The following OR2L13 variants were observed in gnomAD, a reference collection of about 807,000 sequenced individuals.
OR2L13 encodes the protein olfactory receptor 2L13.
Under a neutral mutation model 15.3 loss-of-function variants are expected in OR2L13, and 14 were observed. The observed-to-expected ratio is 0.91, with a 90% confidence interval of 0.60 to 1.43. The LOEUF (loss-of-function observed/expected upper bound fraction) is 1.43. Ranked by LOEUF, OR2L13 falls within the 40% of genes most tolerant of loss-of-function variation. The pLI is 0.00. For synonymous variants in OR2L13, 152 were observed against 142.9 expected (o/e 1.06, Z -0.45); for missense variants, 367 against 387.9 (o/e 0.95, Z 0.45).
chr1:248,075,376 G>C, the OR2L13 span, among the ~76,000 whole-genome samples: 1,863 of 152,274 alleles, frequency 0.012, 46 homozygotes, highest in African/African-American at 0.043. Context: ...CCAGTAATGG[G>C]ATTGCTGGGT....
chr1:248,076,962 G>T, the OR2L13 span, among the ~76,000 whole-genome samples: 4 of 152,170 alleles, frequency 2.6e-5, no homozygotes, highest in East Asian at 7.7e-4. Flanking sequence ...CATTCAATAT[G>T]ATATTGGCTG....
chr1:248,042,287 T>A, the OR2L13 span: 1 of 140,018 alleles, frequency 7.1e-6, no homozygotes, highest in South Asian at 2.2e-4. Context: ...TTCTCACTCA[T>A]AGGTGGGAAT....
the OR2L13 span, chr1:248,063,114 T>C: frequency 6.6e-6 from 1 of 152,212 alleles, no homozygotes; most frequent in Admixed American, 6.5e-5. Flanking sequence ...TAAATAATGG[T>C]TTTTACTATT....
chr1:247,984,501 A>G, the OR2L13 span, among the ~76,000 whole-genome samples: 2 of 152,190 alleles, frequency 1.3e-5, no homozygotes, highest in Admixed American at 6.5e-5. Flanking sequence ...TATAAATTAC[A>G]TACTATTGCA....
the OR2L13 span, chr1:248,087,467 A>C: frequency 6.6e-6 from 1 of 152,220 alleles, no homozygotes; most frequent in Non-Finnish European, 1.5e-5. Flanking sequence ...TTAAAGAAAA[A>C]TAATTATCAA....
the OR2L13 span, chr1:247,975,663 A>G: frequency 1.8e-6 from 2 of 1,084,958 alleles, no homozygotes; most frequent in Non-Finnish European, 2.8e-6. Flanking sequence ...AGATGAAGAC[A>G]AACTTTCTGC....
At chr1:247,952,612 C>T in the OR2L13 span, among the ~76,000 whole-genome samples, 1 of 152,106 alleles carries the variant, frequency 6.6e-6, no homozygotes, top group African/African-American at 2.4e-5. Flanking sequence ...AGCTTCCACA[C>T]CTCTGAGAAA....
chr1:248,044,473 C>CCA, the OR2L13 span, among the ~76,000 whole-genome samples: 1 of 152,128 alleles, frequency 6.6e-6, no homozygotes, highest in Non-Finnish European at 1.5e-5. Context: ...TCAGCAATAC[C>CCA]CACACTTTAG....
chr1:248,078,563 A>G, the OR2L13 span, among the ~76,000 whole-genome samples: 1 of 152,118 alleles, frequency 6.6e-6, no homozygotes, highest in Non-Finnish European at 1.5e-5. Context: ...ATATATATTT[A>G]TTATACCACA....
chr1:247,989,307 A>G, the OR2L13 span, among the ~76,000 whole-genome samples: 1 of 152,328 alleles, frequency 6.6e-6, no homozygotes, highest in Admixed American at 6.5e-5. Flanking sequence ...AAGTTACTCC[A>G]AATGAGCCAT....
the OR2L13 span, among the ~76,000 whole-genome samples, chr1:247,968,905 G>C: frequency 5.9e-3 from 891 of 152,188 alleles, 9 homozygotes; most frequent in African/African-American, 0.02. Context: ...TTCTAGATCC[G>C]TGAGGAATCG....
the OR2L13 span, among the ~76,000 whole-genome samples, chr1:247,965,019 C>T: frequency 5.3e-5 from 8 of 149,562 alleles, no homozygotes; most frequent in African/African-American, 2.0e-4. Context: ...TATAAATATA[C>T]ATTTACATAT....
the OR2L13 span, among the ~76,000 whole-genome samples, chr1:248,079,529 G>A: frequency 6.6e-6 from 1 of 152,010 alleles, no homozygotes; most frequent in South Asian, 2.1e-4. Flanking sequence ...AACAAGACAG[G>A]ATGATTATTC....
the OR2L13 span, among the ~76,000 whole-genome samples, chr1:247,942,595 C>G: frequency 7.9e-5 from 12 of 151,942 alleles, no homozygotes; most frequent in Admixed American, 7.2e-4. Flanking sequence ...AAAAATTGCC[C>G]AAAGTCATAA....
At chr1:248,095,623 T>TTTTTTTTTTTTTTTC (rs1037934922), upstream of OR2L13, among the ~76,000 whole-genome samples, 8 of 130,468 alleles carry the variant, frequency 6.1e-5, no homozygotes, top group African/African-American at 1.7e-4. Context: ...TTTTTTTTTT[T>TTTTTTTTTTTTTTTC]TGAGATGGAG....
the OR2L13 span, chr1:247,975,503 C>G: frequency 1.0e-6 from 1 of 972,008 alleles, no homozygotes; most frequent in Non-Finnish European, 1.7e-6. Context: ...TATCTATATC[C>G]AAGATACCTG....
the OR2L13 span, among the ~76,000 whole-genome samples, chr1:248,072,929 G>T: frequency 6.6e-6 from 1 of 152,054 alleles, no homozygotes. Flanking sequence ...CAATGAGATA[G>T]CATCTCACAC....
At chr1:248,076,981 T>A in the OR2L13 span, among the ~76,000 whole-genome samples, 1 of 152,220 alleles carries the variant, frequency 6.6e-6, no homozygotes, top group Non-Finnish European at 1.5e-5. Context: ...TGTGGGTTTG[T>A]CATAAATTGC....
the OR2L13 span, chr1:247,948,919 G>T: frequency 6.2e-7 from 1 of 1,613,690 alleles, no homozygotes; most frequent in South Asian, 1.1e-5. Flanking sequence ...CCACCATCAA[G>T]AATTGACCTT....
Sources: gnomAD v4.1 joint callset for allele counts (sites outside exome capture counted in the v4.1 genomes callset) on GRCh38, gnomAD v4.1.1 for gene constraint, MANE v1.5 for transcripts, NCBI Gene and HGNC (gene_info 2026-07-23, HGNC 2026-07-21) for gene names.